PARD3: variants seen among roughly 807,000 people sequenced by gnomAD.
PARD3 encodes par-3 family cell polarity regulator, also known as partitioning defective 3 homolog.
In PARD3, 75 loss-of-function variants were observed where a neutral mutation model predicts 155.4. The observed-to-expected ratio is 0.48, with a 90% CI of 0.40 to 0.58. PARD3 has a LOEUF of 0.58. Ranked by LOEUF, PARD3 falls within the 20% of genes least tolerant of loss-of-function variation. The pLI, the probability that PARD3 is intolerant of heterozygous loss-of-function variation, is 0.00. For missense variants in PARD3, 1,642 were observed against 1,721.7 expected, an observed-to-expected ratio of 0.95 and a Z score of 0.82; for synonymous variants, 576 against 610.5, an observed-to-expected ratio of 0.94 and a Z score of 0.83.
intron 2 of PARD3, among the ~76,000 whole-genome samples, chr10:34,568,203 T>G (rs11009816): frequency 0.29 from 43,859 of 152,102 alleles, 6,783 homozygotes; most frequent in East Asian, 0.41. Context: ...TTTATGCTGC[T>G]GGAATATCAC....
At chr10:34,259,087 C>G (rs1332744199) in intron 22 of PARD3, among the ~76,000 whole-genome samples, 1 of 151,500 alleles carries the variant, frequency 6.6e-6, no homozygotes, top group East Asian at 1.9e-4. Context: ...AGGATAGTTT[C>G]AAAGGAAGGG....
intron 2 of PARD3, among the ~76,000 whole-genome samples, chr10:34,693,980 A>G (rs1174400604): frequency 6.6e-6 from 1 of 152,210 alleles, no homozygotes; most frequent in Non-Finnish European, 1.5e-5. Context: ...AAGAAAGGGA[A>G]GAGTCAGGAT....
At chr10:34,418,778 T>C (rs1845911598) in intron 5 of PARD3, among the ~76,000 whole-genome samples, 1 of 152,114 alleles carries the variant, frequency 6.6e-6, no homozygotes, top group Non-Finnish European at 1.5e-5. Context: ...TTAGAATTTC[T>C]GTATTTTTTG....
At chr10:34,755,108 T>C (rs187417189) in intron 1 of PARD3, among the ~76,000 whole-genome samples, 8 of 152,038 alleles carry the variant, frequency 5.3e-5, no homozygotes, top group Admixed American at 2.6e-4. Flanking sequence ...TCAAGAAGAA[T>C]TGCTGGGCCG....
chr10:34,697,221 G>A (rs548921997), intron 1 of PARD3, among the ~76,000 whole-genome samples: 2 of 152,242 alleles, frequency 1.3e-5, no homozygotes, highest in South Asian at 4.1e-4. Context: ...GTGTGTTTCT[G>A]AACTTCTACA....
chr10:34,121,039 T>C (rs7894719), intron 23 of PARD3, among the ~76,000 whole-genome samples: 1,524 of 149,058 alleles, frequency 0.01, 22 homozygotes, highest in African/African-American at 0.034. Flanking sequence ...GCCTGGGTGA[T>C]GGTGCAAGAC....
At chr10:34,572,332 C>A (rs115570071) in intron 2 of PARD3, among the ~76,000 whole-genome samples, 3,364 of 151,968 alleles carry the variant, frequency 0.022, 122 homozygotes, top group African/African-American at 0.078. Flanking sequence ...CACAGTGAGA[C>A]CCTGTCTCAT....
rs1278612924 is a variant in PARD3, at chr10:34,642,710, G to A, written c.222+53608C>T. On this transcript the variant is annotated intron_variant, in intron 2 of 24. Transcript: ENST00000374788. ...ACGGCCCCCTCCCCATGACCCCCAC[G>A]AGAGCCCTTCCAATCCACCTCCCTA... is the stretch of plus-strand genomic sequence containing the variant. Among the ~76,000 whole-genome samples, 16 of 151,530 alleles carry A rather than the reference G, an allele frequency of 1.1e-4. No individual in the cohort carries two copies. In the East Asian group the frequency reaches 2.7e-3, roughly 26 times the overall value.
chr10:34,550,639 A>C (rs2084473600), intron 2 of PARD3, among the ~76,000 whole-genome samples: 1 of 152,196 alleles, frequency 6.6e-6, no homozygotes, highest in African/African-American at 2.4e-5. Flanking sequence ...GCTTAAGAAA[A>C]ACAAATGTTC....
intron 1 of PARD3, among the ~76,000 whole-genome samples, chr10:34,769,866 T>TACAC (rs66728770): frequency 9.2e-4 from 138 of 150,734 alleles, no homozygotes; most frequent in African/African-American, 2.1e-3. Flanking sequence ...CTCAAATTCA[T>TACAC]ACACACACAC....
intron 4 of PARD3, among the ~76,000 whole-genome samples, chr10:34,468,094 A>T (rs2078121193): frequency 6.6e-6 from 1 of 152,110 alleles, no homozygotes; most frequent in African/African-American, 2.4e-5. Flanking sequence ...TGTAGTAGGC[A>T]GGCTCCGGTG....
intron 3 of PARD3, among the ~76,000 whole-genome samples, chr10:34,485,201 G>A (rs2079370148): frequency 6.6e-6 from 1 of 152,146 alleles, no homozygotes; most frequent in African/African-American, 2.4e-5. Context: ...AGCCGGGCGT[G>A]GTGGTGCCCA....
At chr10:34,446,034 C>T (rs543995191) in intron 5 of PARD3, among the ~76,000 whole-genome samples, 10 of 152,218 alleles carry the variant, frequency 6.6e-5, no homozygotes, top group African/African-American at 2.4e-4. Context: ...TAGGGCAATT[C>T]CAGCCAACAA....
chr10:34,512,665 G>C (rs2081469990), intron 3 of PARD3, among the ~76,000 whole-genome samples: 1 of 152,050 alleles, frequency 6.6e-6, no homozygotes, highest in African/African-American at 2.4e-5. Flanking sequence ...ATATACACAG[G>C]AGTTTTTCTT....
At chr10:34,586,066 A>T (rs183401189) in intron 2 of PARD3, among the ~76,000 whole-genome samples, 1 of 152,274 alleles carries the variant, frequency 6.6e-6, no homozygotes, top group Non-Finnish European at 1.5e-5. Flanking sequence ...ACATTCAAAT[A>T]TCCATGAGAA....
Position 34,399,422 on chromosome 10 carries a change from CAAT to C in PARD3, c.807-12_807-10del, listed in dbSNP as rs1278647560. The C allele has an allele frequency of 1.9e-6, 3 of 1,584,190 alleles. No homozygotes were observed. The highest frequency in any genetic ancestry group is 2.2e-5 in the East Asian group (1 of 44,720). ...CGAGCTTTACCATATCACTGTGAGA[CAAT>C]GATGAATGAGGGAGCATGAACGTGT... On this transcript the variant is annotated splice_polypyrimidine_tract_variant and intron_variant, in intron 6 of 24. Coordinates refer to ENST00000374788, the MANE Select transcript of PARD3 (RefSeq NM_001184785.2).
At chr10:34,325,593 A>C (rs1834927543) in intron 19 of PARD3, among the ~76,000 whole-genome samples, 1 of 151,862 alleles carries the variant, frequency 6.6e-6, no homozygotes, top group Non-Finnish European at 1.5e-5. Context: ...ACTCCTTATC[A>C]AGTGCTCATT....
intron 4 of PARD3, among the ~76,000 whole-genome samples, chr10:34,461,497 T>C (rs560334631): frequency 2.0e-5 from 3 of 151,960 alleles, no homozygotes; most frequent in South Asian, 2.1e-4. Context: ...TCCCAGCTAC[T>C]GGGGGGGCTG....
chr10:34,747,781 A>G (rs1443028456), intron 1 of PARD3, among the ~76,000 whole-genome samples: 1 of 152,256 alleles, frequency 6.6e-6, no homozygotes, highest in African/African-American at 2.4e-5. Flanking sequence ...TACAATGAAT[A>G]AAGTTTGAAA....
Sources: allele counts gnomAD v4.1 joint callset (sites outside exome capture counted in the v4.1 genomes callset), GRCh38; gene constraint gnomAD v4.1.1; transcripts MANE v1.5; gene names NCBI Gene and HGNC (gene_info 2026-07-23, HGNC 2026-07-21).